ATF7IP2: variants seen among roughly 807,000 people sequenced by gnomAD.
ATF7IP2 encodes the protein activating transcription factor 7 interacting protein 2.
A neutral mutation model predicts 64.2 loss-of-function variants in ATF7IP2; 42 were observed. The ratio of observed to expected loss-of-function variants is 0.65; its 90% CI spans 0.51 to 0.85. ATF7IP2 has a LOEUF of 0.85. ATF7IP2 is among the 40% of genes least tolerant of loss of function. The probability of loss-of-function intolerance (pLI) is 0.00; values close to 1 mark genes in which losing one functional copy is unlikely to be tolerated. For missense variants in ATF7IP2, 933 were observed against 784.2 expected, an observed-to-expected ratio of 1.19 and a Z score of -2.27; for synonymous variants, 308 against 272.8, an observed-to-expected ratio of 1.13 and a Z score of -1.27.
chr16:10,390,456 G>A (rs995193472), intron 1 of ATF7IP2, among the ~76,000 whole-genome samples: 6 of 152,264 alleles, frequency 3.9e-5, no homozygotes, highest in Admixed American at 3.3e-4. Flanking sequence ...AGGGCTTAGA[G>A]GAAAATTTAC....
intron 3 of ATF7IP2, among the ~76,000 whole-genome samples, chr16:10,427,852 CAAAA>C (rs200441087): frequency 7.4e-5 from 7 of 94,198 alleles, no homozygotes; most frequent in African/African-American, 1.9e-4. Context: ...GACCCTGTCT[CAAAA>C]AAAAAAAAAA....
chr16:10,446,452 C>T (rs1250862352), intron 8 of ATF7IP2: 1 of 152,124 alleles, frequency 6.6e-6, no homozygotes, highest in Non-Finnish European at 1.5e-5. Flanking sequence ...GACTTGTTCC[C>T]TCCAGTCTTT....
intron 9 of ATF7IP2, among the ~76,000 whole-genome samples, chr16:10,459,622 G>C (rs1009688802): frequency 6.6e-6 from 1 of 152,140 alleles, no homozygotes; most frequent in African/African-American, 2.4e-5. Context: ...ACTCCAGCCT[G>C]GGTGACAGAG....
intron 9 of ATF7IP2, among the ~76,000 whole-genome samples, chr16:10,462,178 T>C (rs1197314610): frequency 6.6e-6 from 1 of 152,146 alleles, no homozygotes; most frequent in African/African-American, 2.4e-5. Context: ...TAGCTTTGTT[T>C]ACTGTTTTCC....
At chr16:10,472,089 A>C (rs752163858) in intron 9 of ATF7IP2, 21 bp from the exon 10 acceptor site, 3 of 1,410,632 alleles carry the variant, frequency 2.1e-6, no homozygotes, top group East Asian at 2.3e-5. Context: ...TTTTGTTTTT[A>C]ATTTCTTTTT....
intron 1 of ATF7IP2, among the ~76,000 whole-genome samples, chr16:10,405,119 T>C (rs2047610308): frequency 6.6e-6 from 1 of 151,882 alleles, no homozygotes; most frequent in Non-Finnish European, 1.5e-5. Flanking sequence ...TCTCGGCACT[T>C]TGGGAGGCTG....
chr16:10,450,598 G>A lies in ATF7IP2; in HGVS notation c.1195-6774G>A, dbSNP rs568195331. On this transcript the variant is annotated intron_variant, in intron 8 of 13. Coordinates refer to ENST00000562102, the MANE Select transcript of ATF7IP2 (RefSeq NM_001393719.1). ...TCTTTGTCTCTTTTGATCATTGTTG[G>A]TTTAAAGTCTGTTTTATCAGAGACT... 2.2e-4 allele frequency among the ~76,000 whole-genome samples: 34 copies of A among 151,344 alleles called. No individual in the cohort carries two copies. The South Asian group carries it at 7.1e-3, about 32-fold the overall frequency.
intron 4 of ATF7IP2, among the ~76,000 whole-genome samples, chr16:10,429,219 T>C (rs1435512527): frequency 1.3e-5 from 2 of 152,238 alleles, no homozygotes. Flanking sequence ...ATACAAAAAT[T>C]GTATTCATGA....
chr16:10,412,195 G>C (rs1157456040), intron 1 of ATF7IP2, among the ~76,000 whole-genome samples: 1 of 150,282 alleles, frequency 6.7e-6, no homozygotes, highest in African/African-American at 2.4e-5. Context: ...TCTGATCTTA[G>C]TTATATTCTT....
intron 1 of ATF7IP2, among the ~76,000 whole-genome samples, chr16:10,412,328 C>T (rs530303264): frequency 6.6e-6 from 1 of 152,150 alleles, no homozygotes; most frequent in South Asian, 2.1e-4. Flanking sequence ...ATGAACTTTC[C>T]TCCTAGCCCC....
intron 12 of ATF7IP2, among the ~76,000 whole-genome samples, chr16:10,480,334 C>A (rs917826594): frequency 6.6e-6 from 1 of 151,944 alleles, no homozygotes; most frequent in African/African-American, 2.4e-5. Context: ...CCCTCCCACC[C>A]ATCCACATTT....
At chr16:10,397,650 G>A (rs2047445664) in intron 1 of ATF7IP2, among the ~76,000 whole-genome samples, 1 of 152,092 alleles carries the variant, frequency 6.6e-6, no homozygotes, top group Admixed American at 6.6e-5. Context: ...GCCAAAGCGG[G>A]TGAATCGTTT....
At chr16:10,451,444 G>C (rs760247868) in intron 8 of ATF7IP2, among the ~76,000 whole-genome samples, 1 of 151,960 alleles carries the variant, frequency 6.6e-6, no homozygotes, top group Non-Finnish European at 1.5e-5. Flanking sequence ...TGTCACTTTC[G>C]GGTACAACAA....
At chr16:10,463,174 C>G (rs1439315068) in intron 9 of ATF7IP2, among the ~76,000 whole-genome samples, 3 of 152,182 alleles carry the variant, frequency 2.0e-5, no homozygotes, top group Middle Eastern at 3.4e-3. Context: ...AGGACAGTTG[C>G]TAATTTTGTG....
At chr16:10,475,704 A>AC (rs1486892206) in intron 12 of ATF7IP2, among the ~76,000 whole-genome samples, 2 of 136,298 alleles carry the variant, frequency 1.5e-5, no homozygotes, top group African/African-American at 5.8e-5. Context: ...AAAAAAAAAA[A>AC]CCCAATCTAA....
At chr16:10,437,142 C>T (rs1001479327) in intron 6 of ATF7IP2, among the ~76,000 whole-genome samples, 5 of 151,922 alleles carry the variant, frequency 3.3e-5, no homozygotes, top group African/African-American at 9.7e-5. Context: ...CTGTCTCAGC[C>T]TCCAGAGTAG....
chr16:10,453,378 C>T (rs1210787841), intron 8 of ATF7IP2, among the ~76,000 whole-genome samples: 2 of 152,074 alleles, frequency 1.3e-5, no homozygotes, highest in African/African-American at 2.4e-5. Context: ...TGGTGAGAGC[C>T]CCACCATGCT....
intron 6 of ATF7IP2, among the ~76,000 whole-genome samples, chr16:10,436,577 CT>C (rs138526550): frequency 0.058 from 8,790 of 151,954 alleles, 373 homozygotes; most frequent in Non-Finnish European, 0.086. Context: ...AAGGAAGAGC[CT>C]TGGGAATGAT....
At chr16:10,446,284 G>A (rs1303034447) in intron 8 of ATF7IP2, 2 of 152,198 alleles carry the variant, frequency 1.3e-5, no homozygotes, top group Non-Finnish European at 2.9e-5. Flanking sequence ...GCTGGGTTAA[G>A]TGAATCATCA....
Sources: allele counts gnomAD v4.1 joint callset (sites outside exome capture counted in the v4.1 genomes callset), GRCh38; gene constraint gnomAD v4.1.1; transcripts MANE v1.5; gene names NCBI Gene and HGNC (gene_info 2026-07-23, HGNC 2026-07-21).